Variants in RASA3 observed in about 807,000 individuals in gnomAD.
The protein encoded by RASA3 is RAS p21 protein activator 3.
A neutral mutation model predicts 110.0 loss-of-function variants in RASA3; 73 were observed. That is an observed-to-expected ratio of 0.66 (90% CI 0.55 to 0.81). RASA3 has a LOEUF of 0.81. Ranked by LOEUF, RASA3 falls within the 30% of genes least tolerant of loss-of-function variation. The pLI, the probability that RASA3 is intolerant of heterozygous loss-of-function variation, is 0.00. For synonymous variants in RASA3, 500 were observed against 451.4 expected, an observed-to-expected ratio of 1.11 and a Z score of -1.37; for missense variants, 976 against 1,113.2, an observed-to-expected ratio of 0.88 and a Z score of 1.75.
chr13:114,058,994 T>TA (rs1379762107), intron 2 of RASA3, among the ~76,000 whole-genome samples: 1 of 152,152 alleles, frequency 6.6e-6, no homozygotes, highest in African/African-American at 2.4e-5. Flanking sequence ...GCCCAGGAGT[T>TA]AGAGATCAAC....
intron 15 of RASA3, among the ~76,000 whole-genome samples, chr13:114,012,550 A>G (rs917317094): frequency 1.4e-5 from 2 of 140,114 alleles, no homozygotes; most frequent in Non-Finnish European, 3.1e-5. Flanking sequence ...CATTCCATGC[A>G]CACTCCCCAT....
At chr13:114,040,718 G>A (rs1481159820) in intron 4 of RASA3, among the ~76,000 whole-genome samples, 2 of 144,880 alleles carry the variant, frequency 1.4e-5, no homozygotes, top group African/African-American at 2.6e-5. Context: ...CGGAGCCCGC[G>A]CTCACTCCGA....
intron 2 of RASA3, among the ~76,000 whole-genome samples, chr13:114,055,284 A>T (rs995221444): frequency 6.6e-6 from 1 of 152,236 alleles, no homozygotes; most frequent in African/African-American, 2.4e-5. Flanking sequence ...CATGTACACA[A>T]AGGCACCACA....
chr13:114,117,446 G>A lies in RASA3; in HGVS notation c.55+14989C>T, dbSNP rs552254378. Among the ~76,000 whole-genome samples, 5 of 147,640 alleles carry A rather than the reference G, an allele frequency of 3.4e-5. No homozygotes were observed. The South Asian group carries it at 1.1e-3, about 32-fold the overall frequency. ...CAATGCTCCTGTATGCACATCTGTG[G>A]GTGAGCACGTGCGTGAGGGGTGCAC... On this transcript the variant is annotated intron_variant, in intron 1 of 23. Coordinates refer to ENST00000334062, the MANE Select transcript of RASA3 (RefSeq NM_007368.4).
In RASA3 at chr13:114,045,539, C is replaced by T. The variant is rs149156693; in HGVS notation, c.278-4445G>A. On this transcript the variant is annotated intron_variant, in intron 3 of 23. Transcript: ENST00000334062. Reference sequence around the variant, plus strand: ...TGAAATGCGCGCGCCTCCCTCTGACCCCACCTGTGTCCCAGCCAGGGCCAC... The same window carrying T: ...TGAAATGCGCGCGCCTCCCTCTGACTCCACCTGTGTCCCAGCCAGGGCCAC... Among the ~76,000 whole-genome samples, 17 of 152,264 alleles carry T rather than the reference C, an allele frequency of 1.1e-4. No homozygotes were observed. The East Asian group carries it at 3.3e-3, about 29-fold the overall frequency.
In RASA3 at chr13:113,978,514, T is replaced by C. The variant is rs2052830453; in HGVS notation, c.*833A>G. On this transcript the variant is annotated 3_prime_UTR_variant, in exon 24 of 24. Transcript: ENST00000334062. ...AAAAACAGCTTGAAAAATGTACATT[T>C]CTATTTTTAAAATCTTCAAACTTCC... 1 of 152,204 alleles carries C rather than the reference T, an allele frequency of 6.6e-6. No individual in the cohort carries two copies. Among genetic ancestry groups the C allele is most frequent in the Admixed American group, 6.5e-5 (1 of 15,280 alleles). The allele number at this position is 152,204 out of a possible 1,614,324, so 9.4% of individuals were successfully genotyped here. A position where few individuals can be genotyped will look rare whatever the true frequency, so the allele number is the denominator to read the frequency against.
chr13:114,049,617 C>T (rs1340150509), intron 3 of RASA3, among the ~76,000 whole-genome samples: 1 of 152,260 alleles, frequency 6.6e-6, no homozygotes, highest in Non-Finnish European at 1.5e-5. Flanking sequence ...CGAGTATAAA[C>T]GGAGCTGGTG....
Position 113,991,899 on chromosome 13 carries a change from C to T in RASA3, c.2245+586G>A, listed in dbSNP as rs116179378. Among the ~76,000 whole-genome samples the T allele has an allele frequency of 8.5e-3, 1,301 of 152,278 alleles. 22 individuals are homozygous for T. The highest frequency in any genetic ancestry group is 0.029 in the African/African-American group (1,224 of 41,560). On this transcript the variant is annotated intron_variant, in intron 22 of 23. Transcript: ENST00000334062. The stretch of plus-strand genomic sequence containing the variant: ...GTGTCCCCACACACACATGCTCACA[C>T]ATGTACCCACACATTCACTCTCATA...
chr13:113,999,733 T>A, intron 19 of RASA3, 66 bp from the exon 20 acceptor site: 2 of 1,165,274 alleles, frequency 1.7e-6, no homozygotes, highest in Non-Finnish European at 2.4e-6. Flanking sequence ...CGGGTGGGGC[T>A]GAGGGGTCTC....
chr13:114,103,319 G>A (rs1188026610), intron 1 of RASA3, among the ~76,000 whole-genome samples: 1 of 152,108 alleles, frequency 6.6e-6, no homozygotes, highest in African/African-American at 2.4e-5. Flanking sequence ...CCTTCGGGGT[G>A]TCTGGGAAGA....
At chr13:114,038,735 G>A (rs1047698943) in intron 4 of RASA3, among the ~76,000 whole-genome samples, 1 of 152,190 alleles carries the variant, frequency 6.6e-6, no homozygotes, top group African/African-American at 2.4e-5. Context: ...GTTCCCAGAG[G>A]ACGAGGGTTC....
chr13:114,054,107 CAA>C (rs2079197463), intron 2 of RASA3, among the ~76,000 whole-genome samples: 2 of 151,322 alleles, frequency 1.3e-5, no homozygotes, highest in African/African-American at 4.9e-5. Context: ...GCCTGGGTGA[CAA>C]GAGCAAAACT....
rs2054112261 is a variant in RASA3 at position 114,029,828 on chromosome 13, G to A, written c.432C>T (p.Cys144=). 1.9e-6 allele frequency: 3 copies of A among 1,591,194 alleles called. No homozygotes were observed. Among genetic ancestry groups the A allele is most frequent in the East Asian group, 2.3e-5 (1 of 43,526 alleles). ...TGTCTTACCGTGTGGCGAGCTTGTGGCAGACGACCCCAGTGTCTGTGATGA... is the reference window on the plus strand; with the variant it reads ...TGTCTTACCGTGTGGCGAGCTTGTGACAGACGACCCCAGTGTCTGTGATGA... ...SEVITDTGVV[C]HKLATRIVEC... Residue 144 remains cysteine, a synonymous_variant, in exon 5 of 24, where the codon TGC becomes TGT. Transcript: ENST00000334062.
intron 1 of RASA3, among the ~76,000 whole-genome samples, chr13:114,098,958 C>T (rs1376901239): frequency 1.3e-5 from 2 of 151,304 alleles, no homozygotes; most frequent in Non-Finnish European, 2.9e-5. Context: ...GGGGCCCGGC[C>T]ACCCGAGCCC....
chr13:114,074,635 G>A (rs545087934), intron 1 of RASA3, among the ~76,000 whole-genome samples: 2 of 152,202 alleles, frequency 1.3e-5, no homozygotes, highest in Admixed American at 6.5e-5. Flanking sequence ...CCAGCTGTTC[G>A]AATTGCCAGT....
chr13:113,980,501 T>C lies in RASA3; in HGVS notation c.2430-1079A>G, dbSNP rs903006798. Among the ~76,000 whole-genome samples the C allele has an allele frequency of 3.3e-5, 5 of 149,272 alleles. No individual in the cohort carries two copies. The East Asian group carries it at 8.6e-4, about 26-fold the overall frequency. ...CACCTCCTGCCATGTGTGTGCATCT[T>C]GTACCATGTGTGCCTCGTGTGCGCC... is the stretch of plus-strand genomic sequence containing the variant. On this transcript the variant is annotated intron_variant, in intron 23 of 23. Transcript: ENST00000334062.
intron 7 of RASA3, among the ~76,000 whole-genome samples, chr13:114,027,153 C>T (rs930396472): frequency 6.6e-5 from 10 of 152,216 alleles, no homozygotes; most frequent in Admixed American, 1.3e-4. Flanking sequence ...CCTGTGGCCA[C>T]GGGTCCAATC....
intron 1 of RASA3, among the ~76,000 whole-genome samples, chr13:114,128,683 C>T (rs1203746328): frequency 6.6e-6 from 1 of 152,272 alleles, no homozygotes; most frequent in East Asian, 1.9e-4. Flanking sequence ...CCAGACCGGC[C>T]GTGGGTCTTC....
chr13:114,031,615 A>G (rs1030805570), intron 4 of RASA3, among the ~76,000 whole-genome samples: 5 of 150,604 alleles, frequency 3.3e-5, no homozygotes, highest in African/African-American at 9.8e-5. Context: ...GCCTGTGTGT[A>G]TGTGTGACTG....
Sources: gnomAD v4.1 joint callset for allele counts (sites outside exome capture counted in the v4.1 genomes callset) on GRCh38, gnomAD v4.1.1 for gene constraint, MANE v1.5 for transcripts, NCBI Gene and HGNC (gene_info 2026-07-23, HGNC 2026-07-21) for gene names.